ST6GAL1: variants seen among roughly 807,000 people sequenced by gnomAD.
ST6GAL1 encodes beta-galactoside alpha-2,6-sialyltransferase 1.
A neutral mutation model predicts 38.0 loss-of-function variants in ST6GAL1; 20 were observed. The ratio of observed to expected loss-of-function variants is 0.53; its 90% confidence interval spans 0.37 to 0.77. ST6GAL1 has a LOEUF of 0.77. ST6GAL1 is among the 30% of genes least tolerant of loss of function. The probability of loss-of-function intolerance (pLI) is 0.00; values close to 1 mark genes in which losing one functional copy is unlikely to be tolerated. For missense variants in ST6GAL1, 432 were observed against 496.4 expected (o/e 0.87, Z 1.23); for synonymous variants, 196 against 188.2 (o/e 1.04, Z -0.34).
rs778042990 is a variant in ST6GAL1 at position 187,076,976 on chromosome 3, G to GTT, written c.*1184_*1185dup. ...CCAAATCTTCTCCTAACCACCATCTGTTTTTTTTTTTTAAAGCATTTTTTG... is the reference window on the plus strand; with the variant it reads ...CCAAATCTTCTCCTAACCACCATCTGTTTTTTTTTTTTTTAAAGCATTTTTTG... On this transcript the variant is annotated 3_prime_UTR_variant, in exon 8 of 8. Coordinates refer to ENST00000169298, the MANE Select transcript of ST6GAL1 (RefSeq NM_173216.2). The GTT allele has an allele frequency of 0.023, 8,349 of 366,382 alleles. 157 individuals are homozygous for GTT. The highest frequency in any genetic ancestry group is 0.087 in the African/African-American group (4,082 of 46,802). The allele number at this position is 366,382 out of a possible 1,614,324, so 22.7% of individuals were successfully genotyped here. A position where few individuals can be genotyped will look rare whatever the true frequency, so the allele number is the denominator to read the frequency against.
At chr3:187,007,036 A>T (rs1716806422) in intron 2 of ST6GAL1, among the ~76,000 whole-genome samples, 1 of 152,232 alleles carries the variant, frequency 6.6e-6, no homozygotes, top group South Asian at 2.1e-4. Flanking sequence ...AATCTCTACC[A>T]ATGTTTACAA....
chr3:186,991,286 C>T lies in ST6GAL1; in HGVS notation c.-183+27360C>T, dbSNP rs1037408672. Among the ~76,000 whole-genome samples, 8 of 152,182 alleles carry T rather than the reference C, an allele frequency of 5.3e-5. No individual in the cohort carries two copies. In the South Asian group the frequency reaches 6.2e-4, roughly 12 times the overall value. On this transcript the variant is annotated intron_variant, in intron 2 of 7. Coordinates refer to ENST00000169298, the MANE Select transcript of ST6GAL1 (RefSeq NM_173216.2). ...TTCTTAGGACCTAACCTGGGCCTAG[C>T]GGTGTGGTAGGTGCCTGGGCTTCAG...
intron 2 of ST6GAL1, among the ~76,000 whole-genome samples, chr3:187,033,513 TAGAC>T: frequency 6.6e-6 from 1 of 152,380 alleles, no homozygotes; most frequent in East Asian, 1.9e-4. Flanking sequence ...ACATTTTTTC[TAGAC>T]AGTTGGATAT....
At chr3:186,999,573 G>A (rs1194560630) in intron 2 of ST6GAL1, among the ~76,000 whole-genome samples, 1 of 151,796 alleles carries the variant, frequency 6.6e-6, no homozygotes, top group Non-Finnish European at 1.5e-5. Context: ...CACTGCGCCT[G>A]GCTAATTTTG....
intron 1 of ST6GAL1, 100 bp from the exon 2 acceptor site, chr3:186,963,685 G>C (rs1373339952): frequency 6.6e-6 from 1 of 152,310 alleles, no homozygotes; most frequent in Non-Finnish European, 1.5e-5. Context: ...CTGCCCCGGA[G>C]CTGGCAGTGG....
At chr3:187,035,880 G>A (rs1410291345) in intron 2 of ST6GAL1, among the ~76,000 whole-genome samples, 3 of 152,054 alleles carry the variant, frequency 2.0e-5, no homozygotes, top group South Asian at 2.1e-4. Context: ...AAAAGCAACT[G>A]CAACAGAAAC....
intron 2 of ST6GAL1, among the ~76,000 whole-genome samples, chr3:186,979,045 A>T (rs1715608632): frequency 6.6e-6 from 1 of 151,784 alleles, no homozygotes; most frequent in African/African-American, 2.4e-5. Context: ...TCCACCCACT[A>T]GTTTATGGTC....
chr3:187,021,597 G>A (rs368115512), intron 2 of ST6GAL1, among the ~76,000 whole-genome samples: 18 of 152,014 alleles, frequency 1.2e-4, no homozygotes, highest in African/African-American at 3.9e-4. Flanking sequence ...AAAATTAGCC[G>A]GGTGTGATGG....
At chr3:187,048,615 T>C (rs1052297976) in intron 4 of ST6GAL1, among the ~76,000 whole-genome samples, 1 of 152,228 alleles carries the variant, frequency 6.6e-6, no homozygotes, top group African/African-American at 2.4e-5. Flanking sequence ...TTACTGTCTA[T>C]GTCCGTGCAG....
chr3:186,998,141 T>G (rs555841720), intron 2 of ST6GAL1, among the ~76,000 whole-genome samples: 1 of 152,194 alleles, frequency 6.6e-6, no homozygotes, highest in African/African-American at 2.4e-5. Context: ...ATGAAATTAA[T>G]TTAAACAACA....
chr3:187,040,624 C>A (rs1009335208), intron 3 of ST6GAL1, among the ~76,000 whole-genome samples: 1 of 152,176 alleles, frequency 6.6e-6, no homozygotes, highest in Non-Finnish European at 1.5e-5. Context: ...AAAGTGACTA[C>A]CACGTAGTAG....
At chr3:187,049,418 C>G (rs1718433544) in intron 4 of ST6GAL1, among the ~76,000 whole-genome samples, 1 of 152,194 alleles carries the variant, frequency 6.6e-6, no homozygotes, top group African/African-American at 2.4e-5. Flanking sequence ...TGCTCTGTCC[C>G]TTTTCCCTTC....
chr3:187,010,266 T>G (rs1235019478), intron 2 of ST6GAL1, among the ~76,000 whole-genome samples: 2 of 152,234 alleles, frequency 1.3e-5, no homozygotes, highest in African/African-American at 4.8e-5. Context: ...ACGTTCCATG[T>G]TATTTTTCCA....
intron 2 of ST6GAL1, among the ~76,000 whole-genome samples, chr3:186,982,013 A>G (rs372954433): frequency 2.6e-5 from 4 of 152,234 alleles, no homozygotes; most frequent in East Asian, 1.9e-4. Context: ...CAGTCACGCT[A>G]TGATACAGGT....
At chr3:186,998,615 TGAA>T (rs1438567447) in intron 2 of ST6GAL1, among the ~76,000 whole-genome samples, 1 of 152,134 alleles carries the variant, frequency 6.6e-6, no homozygotes, top group Non-Finnish European at 1.5e-5. Flanking sequence ...TAACTTTTAT[TGAA>T]AAAATCTGCA....
At chr3:186,971,498 T>A (rs915814563) in intron 2 of ST6GAL1, among the ~76,000 whole-genome samples, 1 of 152,218 alleles carries the variant, frequency 6.6e-6, no homozygotes, top group Non-Finnish European at 1.5e-5. Context: ...GCTCCCCCAG[T>A]CTGGCTGTCT....
At chr3:186,949,938 A>G (rs967736252) in intron 1 of ST6GAL1, among the ~76,000 whole-genome samples, 2 of 152,318 alleles carry the variant, frequency 1.3e-5, no homozygotes, top group Admixed American at 1.3e-4. Flanking sequence ...GTTATTTTCA[A>G]TATCACAGCA....
chr3:186,973,921 G>A (rs1257911758), intron 2 of ST6GAL1, among the ~76,000 whole-genome samples: 2 of 152,160 alleles, frequency 1.3e-5, no homozygotes, highest in Non-Finnish European at 2.9e-5. Context: ...GAGCCATGGC[G>A]CTTGACCTCC....
Position 187,075,850 on chromosome 3 carries a change from C to T in ST6GAL1, c.*47C>T, listed in dbSNP as rs1351232704. 6.2e-7 allele frequency: 1 copy of T among 1,605,694 alleles called. No homozygotes were observed. The highest frequency in any genetic ancestry group is 8.5e-7 in the Non-Finnish European group (1 of 1,174,268). On this transcript the variant is annotated 3_prime_UTR_variant, in exon 8 of 8. Transcript: ENST00000169298. The surrounding 1 kb of genome is among the most constrained non-coding windows in gnomAD (Gnocchi z 4.1). Reference sequence around the variant, plus strand: ...CCATCAGGCATTAAATGAATGGTCTCTTGGCCACCCCAGCCTGGGAAGAAC... The same window carrying T: ...CCATCAGGCATTAAATGAATGGTCTTTTGGCCACCCCAGCCTGGGAAGAAC...
Sources: gnomAD v4.1 joint callset for allele counts (sites outside exome capture counted in the v4.1 genomes callset) on GRCh38, gnomAD v4.1.1 for gene constraint, Gnocchi (gnomAD v3.1) non-coding constraint, MANE v1.5 for transcripts, NCBI Gene and HGNC (gene_info 2026-07-23, HGNC 2026-07-21) for gene names.